Variants in DEFB107A observed in about 807,000 individuals in gnomAD.
DEFB107A encodes the protein beta-defensin 107.
intron 1 of DEFB107A, among the ~76,000 whole-genome samples, chr8:7,812,934 TACAC>T (rs5889217): frequency 9.6e-5 from 14 of 145,254 alleles, no homozygotes; most frequent in African/African-American, 3.0e-4. Context: ...CGCACACACA[TACAC>T]ACACACACAC....
intron 1 of DEFB107A, among the ~76,000 whole-genome samples, chr8:7,813,849 C>T (rs1817152413): frequency 6.6e-6 from 1 of 150,602 alleles, no homozygotes; most frequent in African/African-American, 2.5e-5. Context: ...TAGGCATCCA[C>T]ATCTATAGAC....
chr8:7,813,003 G>C (rs573276193), intron 1 of DEFB107A, among the ~76,000 whole-genome samples: 56 of 151,492 alleles, frequency 3.7e-4, no homozygotes, highest in African/African-American at 1.3e-3. Flanking sequence ...TCAGGGCAGA[G>C]AACAAAAAAA....
chr8:7,812,898 C>A (rs149510469), intron 1 of DEFB107A, among the ~76,000 whole-genome samples: 10,914 of 129,026 alleles, frequency 0.085, 87 homozygotes, highest in South Asian at 0.17. Context: ...TATCAGGCAA[C>A]TGGACAATCA....
At chr8:7,812,875 G>T (rs1297910202) in intron 1 of DEFB107A, among the ~76,000 whole-genome samples, 1 of 137,060 alleles carries the variant, frequency 7.3e-6, no homozygotes, top group African/African-American at 2.5e-5. Context: ...GTGAACTACA[G>T]ATCACTTAAA....
At chr8:7,813,694 C>T (rs1247787619) in intron 1 of DEFB107A, among the ~76,000 whole-genome samples, 1 of 152,152 alleles carries the variant, frequency 6.6e-6, no homozygotes, top group African/African-American at 2.4e-5. Context: ...ATGTTTATTA[C>T]CTTTTATATT....
At chr8:7,813,710 T>C (rs1363490258) in intron 1 of DEFB107A, among the ~76,000 whole-genome samples, 2 of 152,144 alleles carry the variant, frequency 1.3e-5, no homozygotes, top group African/African-American at 4.8e-5. Flanking sequence ...ATATTGATCA[T>C]TAAATTCACT....
At chr8:7,812,950 CACAT>C (rs1192245460) in intron 1 of DEFB107A, among the ~76,000 whole-genome samples, 1 of 151,072 alleles carries the variant, frequency 6.6e-6, no homozygotes, top group African/African-American at 2.4e-5. Context: ...CACACACACA[CACAT>C]ATATATATAT....
chr8:7,813,773 G>A (rs1241159993), intron 1 of DEFB107A, among the ~76,000 whole-genome samples: 12 of 151,862 alleles, frequency 7.9e-5, no homozygotes, highest in Non-Finnish European at 1.6e-4. Flanking sequence ...TCTAATTTGT[G>A]CCCAAACTAT....
intron 1 of DEFB107A, among the ~76,000 whole-genome samples, chr8:7,814,976 G>T (rs1323219753): frequency 1.9e-4 from 9 of 47,372 alleles, no homozygotes; most frequent in Non-Finnish European, 3.2e-4. Context: ...GGCCAGGCGC[G>T]GTGGCTCATG....
At chr8:7,813,303 C>G (rs1817130717) in intron 1 of DEFB107A, among the ~76,000 whole-genome samples, 1 of 142,794 alleles carries the variant, frequency 7.0e-6, no homozygotes, top group Admixed American at 7.4e-5. Context: ...TAATCAGGTT[C>G]TATACTTTCT....
intron 1 of DEFB107A, among the ~76,000 whole-genome samples, chr8:7,813,570 A>G (rs1196624035): frequency 1.3e-5 from 2 of 152,026 alleles, no homozygotes; most frequent in African/African-American, 4.8e-5. Context: ...TTCATCTTCA[A>G]AACAATGCTA....
chr8:7,813,390 C>G (rs1163544805), intron 1 of DEFB107A, among the ~76,000 whole-genome samples: 3 of 147,468 alleles, frequency 2.0e-5, no homozygotes, highest in African/African-American at 5.0e-5. Context: ...ACCTTCAGCC[C>G]AAATCACAAC....
chr8:7,813,135 C>T (rs1236344662), intron 1 of DEFB107A, among the ~76,000 whole-genome samples: 1 of 107,150 alleles, frequency 9.3e-6, no homozygotes, highest in Non-Finnish European at 2.2e-5. Flanking sequence ...TCATTTTTAC[C>T]TTCAGACTTT....
At chr8:7,814,103 C>T (rs1817161413) in intron 1 of DEFB107A, among the ~76,000 whole-genome samples, 1 of 60,676 alleles carries the variant, frequency 1.6e-5, no homozygotes, top group African/African-American at 5.2e-5. Context: ...TACTACTTCC[C>T]AGGAAGCCTT....
At chr8:7,813,909 T>G (rs1361199837) in intron 1 of DEFB107A, among the ~76,000 whole-genome samples, 4 of 147,714 alleles carry the variant, frequency 2.7e-5, no homozygotes, top group Non-Finnish European at 4.5e-5. Context: ...GAAGACAATT[T>G]TAAATGAGTT....
chr8:7,812,923 ACG>A (rs879688634), intron 1 of DEFB107A, among the ~76,000 whole-genome samples: 2,606 of 134,994 alleles, frequency 0.019, 8 homozygotes, highest in Middle Eastern at 0.079. Context: ...AGACACACAC[ACG>A]CACACACATA....
At chr8:7,813,317 C>G (rs1439091780) in intron 1 of DEFB107A, among the ~76,000 whole-genome samples, 6 of 143,340 alleles carry the variant, frequency 4.2e-5, no homozygotes, top group Non-Finnish European at 7.7e-5. Flanking sequence ...ACTTTCTAAC[C>G]CTGCCTGTTA....
chr8:7,813,229 C>A (rs1238977138), intron 1 of DEFB107A, among the ~76,000 whole-genome samples: 1 of 131,324 alleles, frequency 7.6e-6, no homozygotes. Context: ...TCTATATGTC[C>A]ACATGAACAA....
intron 1 of DEFB107A, among the ~76,000 whole-genome samples, chr8:7,813,563 A>T (rs1217533014): frequency 6.6e-6 from 1 of 151,998 alleles, no homozygotes; most frequent in Admixed American, 6.6e-5. Flanking sequence ...AAGTTTATTC[A>T]TCTTCAAAAC....
Sources: allele counts gnomAD v4.1 joint callset (sites outside exome capture counted in the v4.1 genomes callset), GRCh38; gene constraint gnomAD v4.1.1; transcripts MANE v1.5; gene names NCBI Gene and HGNC (gene_info 2026-07-23, HGNC 2026-07-21).